Variants in TMEM132B observed in about 807,000 individuals in gnomAD.
The protein encoded by TMEM132B is transmembrane protein 132B.
In TMEM132B, 18 loss-of-function variants were observed where a neutral mutation model predicts 90.8. That is an observed-to-expected ratio of 0.20 (90% confidence interval 0.14 to 0.29). TMEM132B has a LOEUF of 0.29. Among genes scored for constraint, TMEM132B ranks in the 10% least tolerant of loss-of-function variants. TMEM132B has a pLI of 1.00. For missense variants in TMEM132B, 1,096 were observed against 1,326.8 expected (o/e 0.83, Z 2.70); for synonymous variants, 504 against 523.3 (o/e 0.96, Z 0.50).
chr12:125,299,683 G>C (rs1196672550), intron 1 of TMEM132B, among the ~76,000 whole-genome samples: 1 of 152,168 alleles, frequency 6.6e-6, no homozygotes, highest in African/African-American at 2.4e-5. Context: ...CGCTTTTCCA[G>C]ACGCATGTCA....
chr12:125,219,151 T>C (rs1236695671), intron 1 of TMEM132B, among the ~76,000 whole-genome samples: 1 of 152,184 alleles, frequency 6.6e-6, no homozygotes. Flanking sequence ...AGTTGCACTT[T>C]TTTCCCCTTA....
At chr12:125,531,146 A>G (rs900662171) in intron 4 of TMEM132B, among the ~76,000 whole-genome samples, 4 of 152,070 alleles carry the variant, frequency 2.6e-5, no homozygotes, top group Non-Finnish European at 2.9e-5. Context: ...ACTGTCTTTG[A>G]ATGTTATTTT....
intron 3 of TMEM132B, among the ~76,000 whole-genome samples, chr12:125,429,922 A>G (rs1880446634): frequency 1.3e-5 from 2 of 152,132 alleles, no homozygotes; most frequent in Non-Finnish European, 2.9e-5. Flanking sequence ...CGTGCAGCCC[A>G]CGCTGAAGGG....
intron 4 of TMEM132B, among the ~76,000 whole-genome samples, chr12:125,547,738 A>G (rs146282244): frequency 1.3e-5 from 2 of 152,308 alleles, no homozygotes; most frequent in East Asian, 3.9e-4. Context: ...GTTACTCAGT[A>G]CAAGGCAGGA....
At chr12:125,280,279 T>G (rs1312647015) in intron 1 of TMEM132B, among the ~76,000 whole-genome samples, 2 of 152,182 alleles carry the variant, frequency 1.3e-5, no homozygotes, top group Non-Finnish European at 2.9e-5. Flanking sequence ...GATATGCCAA[T>G]TACCCTGATC....
intron 4 of TMEM132B, among the ~76,000 whole-genome samples, chr12:125,550,447 G>T (rs755103022): frequency 6.6e-6 from 1 of 151,984 alleles, no homozygotes; most frequent in Non-Finnish European, 1.5e-5. Context: ...CTGCATTTCT[G>T]TGCAGTTACT....
intron 2 of TMEM132B, among the ~76,000 whole-genome samples, chr12:125,372,848 T>C (rs935935973): frequency 6.6e-6 from 1 of 152,116 alleles, no homozygotes; most frequent in African/African-American, 2.4e-5. Context: ...ACACACACCG[T>C]CTTTTCTAGG....
At chr12:125,637,454 G>A (rs921671970) in intron 5 of TMEM132B, among the ~76,000 whole-genome samples, 1 of 152,198 alleles carries the variant, frequency 6.6e-6, no homozygotes, top group Non-Finnish European at 1.5e-5. Context: ...CTGAAGACAT[G>A]TGCCCAAGGT....
chr12:125,420,012 G>A (rs1315039447), intron 3 of TMEM132B, among the ~76,000 whole-genome samples: 1 of 152,158 alleles, frequency 6.6e-6, no homozygotes, highest in Non-Finnish European at 1.5e-5. Flanking sequence ...CATGGTCTTG[G>A]GCAACTCTGC....
At chr12:125,436,573 G>C (rs1880711839) in intron 3 of TMEM132B, among the ~76,000 whole-genome samples, 1 of 152,114 alleles carries the variant, frequency 6.6e-6, no homozygotes, top group Non-Finnish European at 1.5e-5. Context: ...TACAAACCAA[G>C]GAACTTCGAA....
intron 1 of TMEM132B, among the ~76,000 whole-genome samples, chr12:125,266,416 G>T (rs1374829031): frequency 1.3e-5 from 2 of 152,036 alleles, no homozygotes; most frequent in African/African-American, 2.4e-5. Flanking sequence ...GTGGGCACTG[G>T]GTATTACCTT....
intron 5 of TMEM132B, among the ~76,000 whole-genome samples, chr12:125,606,979 A>G (rs1377996316): frequency 6.6e-6 from 1 of 152,174 alleles, no homozygotes; most frequent in African/African-American, 2.4e-5. Flanking sequence ...AGGCCCACCC[A>G]GTCAGCTCCC....
At chr12:125,508,422 A>G (rs2136623085) in intron 3 of TMEM132B, among the ~76,000 whole-genome samples, 1 of 152,322 alleles carries the variant, frequency 6.6e-6, no homozygotes, top group South Asian at 2.1e-4. Context: ...TCAGCAGGGA[A>G]GACACCAGGT....
intron 5 of TMEM132B, among the ~76,000 whole-genome samples, chr12:125,622,232 T>C (rs1593027600): frequency 6.6e-6 from 1 of 152,284 alleles, no homozygotes; most frequent in East Asian, 1.9e-4. Context: ...TGCTGAAAAA[T>C]ATGGCTTAAT....
At chr12:125,566,217 C>A (rs1199014420) in intron 4 of TMEM132B, among the ~76,000 whole-genome samples, 2 of 152,166 alleles carry the variant, frequency 1.3e-5, no homozygotes, top group Non-Finnish European at 2.9e-5. Context: ...CACATAAATT[C>A]CCTTCTCCTT....
chr12:125,344,364 G>A (rs967998080), intron 1 of TMEM132B, among the ~76,000 whole-genome samples: 1 of 152,198 alleles, frequency 6.6e-6, no homozygotes, highest in Non-Finnish European at 1.5e-5. Context: ...ATGGTAAAGT[G>A]ATTTAGAAAT....
rs531847689 is a variant in TMEM132B at position 125,550,801 on chromosome 12, G to A, written c.1293+31176G>A. Reference sequence around the variant, plus strand: ...GTTTATTTATTTATTTTTTTGAGACGGAGTTTCACTCTTGTTGCCCAGGAT... The same window carrying A: ...GTTTATTTATTTATTTTTTTGAGACAGAGTTTCACTCTTGTTGCCCAGGAT... On this transcript the variant is annotated intron_variant, in intron 4 of 8. Coordinates refer to ENST00000682704, the MANE Select transcript of TMEM132B (RefSeq NM_001366854.1). 8.5e-5 allele frequency among the ~76,000 whole-genome samples: 13 copies of A among 152,052 alleles called. No individual in the cohort carries two copies. The South Asian group carries it at 2.1e-3, about 24-fold the overall frequency.
chr12:125,276,414 T>C (rs1370185779), intron 1 of TMEM132B, among the ~76,000 whole-genome samples: 1 of 152,182 alleles, frequency 6.6e-6, no homozygotes, highest in Non-Finnish European at 1.5e-5. Context: ...TTTGGCTAAT[T>C]AGAACAAAGC....
At chr12:125,359,925 A>G (rs1279558958) in intron 2 of TMEM132B, among the ~76,000 whole-genome samples, 5 of 152,178 alleles carry the variant, frequency 3.3e-5, no homozygotes, top group African/African-American at 9.7e-5. Flanking sequence ...TAAAGATATA[A>G]AAATTAGCTG....
Sources: allele counts gnomAD v4.1 joint callset (sites outside exome capture counted in the v4.1 genomes callset), GRCh38; gene constraint gnomAD v4.1.1; transcripts MANE v1.5; gene names NCBI Gene and HGNC (gene_info 2026-07-23, HGNC 2026-07-21).